Variants in SYT1 observed in about 807,000 individuals in gnomAD.
The protein encoded by SYT1 is synaptotagmin-1.
In SYT1, 8 loss-of-function variants were observed where a neutral mutation model predicts 44.8. The observed-to-expected ratio is 0.18, with a 90% CI of 0.10 to 0.32. The LOEUF (loss-of-function observed/expected upper bound fraction) is 0.32, where lower values mean the gene tolerates loss of function less well. Among genes scored for constraint, SYT1 ranks in the 10% least tolerant of loss-of-function variants. The pLI is 1.00. For missense variants in SYT1, 286 were observed against 509.3 expected (o/e 0.56, Z 4.22); for synonymous variants, 154 against 188.8 (o/e 0.82, Z 1.51).
intron 1 of SYT1, among the ~76,000 whole-genome samples, chr12:78,918,393 T>C (rs536348519): frequency 6.6e-6 from 1 of 152,188 alleles, no homozygotes; most frequent in East Asian, 1.9e-4. Context: ...CATTCATGTG[T>C]AATTTGCTTT....
intron 4 of SYT1, among the ~76,000 whole-genome samples, chr12:79,284,429 T>A (rs1464787604): frequency 6.6e-6 from 1 of 152,176 alleles, no homozygotes; most frequent in Non-Finnish European, 1.5e-5. Context: ...TTCACTAAAC[T>A]CCCCTCTGTG....
intron 3 of SYT1, among the ~76,000 whole-genome samples, chr12:79,140,126 A>C (rs1337080357): frequency 6.6e-6 from 1 of 152,238 alleles, no homozygotes; most frequent in Non-Finnish European, 1.5e-5. Flanking sequence ...GACCATGCTA[A>C]TGTTGAAAAT....
chr12:79,302,020 T>C (rs1290322567), intron 8 of SYT1, among the ~76,000 whole-genome samples: 1 of 152,188 alleles, frequency 6.6e-6, no homozygotes, highest in Non-Finnish European at 1.5e-5. Context: ...TTACATATTC[T>C]CAATGATATC....
At chr12:79,167,215 G>A (rs1291222483) in intron 3 of SYT1, among the ~76,000 whole-genome samples, 1 of 151,996 alleles carries the variant, frequency 6.6e-6, no homozygotes, top group Non-Finnish European at 1.5e-5. Flanking sequence ...TCCTGCCCTT[G>A]AAAATGTTAG....
intron 2 of SYT1, among the ~76,000 whole-genome samples, chr12:79,028,372 A>C (rs1486088355): frequency 6.6e-6 from 1 of 151,474 alleles, no homozygotes; most frequent in Non-Finnish European, 1.5e-5. Flanking sequence ...GACTAATCTA[A>C]TACTATAGAA....
At chr12:79,016,674 G>A (rs963829004) in intron 2 of SYT1, among the ~76,000 whole-genome samples, 3 of 152,068 alleles carry the variant, frequency 2.0e-5, no homozygotes, top group African/African-American at 7.2e-5. Context: ...ATTTGAAATG[G>A]ATTTTTAAAA....
intron 3 of SYT1, among the ~76,000 whole-genome samples, chr12:79,166,830 A>G (rs1301677767): frequency 6.6e-6 from 1 of 152,056 alleles, no homozygotes; most frequent in African/African-American, 2.4e-5. Flanking sequence ...TGGACTTGGT[A>G]GTTGAAAAAA....
At chr12:79,082,987 T>C (rs1877138245) in intron 3 of SYT1, among the ~76,000 whole-genome samples, 1 of 150,362 alleles carries the variant, frequency 6.7e-6, no homozygotes, top group Admixed American at 6.6e-5. Flanking sequence ...TTGTCAAAGA[T>C]AACTCCAAGA....
intron 3 of SYT1, among the ~76,000 whole-genome samples, chr12:79,174,899 A>G (rs1459131199): frequency 6.6e-6 from 1 of 152,074 alleles, no homozygotes; most frequent in Non-Finnish European, 1.5e-5. Flanking sequence ...TCACAATGCC[A>G]TCCAGTGGTT....
chr12:78,922,706 C>T (rs1877075372), intron 1 of SYT1, among the ~76,000 whole-genome samples: 1 of 151,898 alleles, frequency 6.6e-6, no homozygotes, highest in Admixed American at 6.6e-5. Flanking sequence ...CAGATGGACA[C>T]ATGCTGTATA....
At chr12:79,291,791 C>G (rs898547763) in intron 5 of SYT1, 2 of 658,792 alleles carry the variant, frequency 3.0e-6, no homozygotes, top group Admixed American at 2.1e-5. Flanking sequence ...CTTCTTCCAT[C>G]GCTTCCATTT....
chr12:78,963,424 T>C (rs548579091), intron 1 of SYT1, among the ~76,000 whole-genome samples: 1 of 151,936 alleles, frequency 6.6e-6, no homozygotes, highest in Non-Finnish European at 1.5e-5. Context: ...TAGATAATGA[T>C]GGGTAAATTT....
chr12:79,178,941 TAG>T (rs1872088409), intron 3 of SYT1, among the ~76,000 whole-genome samples: 1 of 42,850 alleles, frequency 2.3e-5, no homozygotes, highest in Non-Finnish European at 3.8e-5. Flanking sequence ...TATATAGATA[TAG>T]ATATAGATAT....
chr12:79,279,735 T>C (rs1878940448), intron 4 of SYT1, among the ~76,000 whole-genome samples: 1 of 152,046 alleles, frequency 6.6e-6, no homozygotes, highest in Admixed American at 6.6e-5. Flanking sequence ...GCTGTTGATA[T>C]AAATGTATAC....
At chr12:79,390,262 G>A (rs972100052) in intron 9 of SYT1, among the ~76,000 whole-genome samples, 5 of 152,106 alleles carry the variant, frequency 3.3e-5, no homozygotes, top group African/African-American at 1.2e-4. Context: ...ATACTGTGCT[G>A]TATTGAATTA....
rs200215176 is a variant in SYT1 at position 79,042,020 on chromosome 12, G to C, written c.-83-5277G>C. Among the ~76,000 whole-genome samples, 567 of 151,044 alleles carry C rather than the reference G, an allele frequency of 3.8e-3. 10 individuals carry two copies. The East Asian group carries it at 0.06, about 16-fold the overall frequency. On this transcript the variant is annotated intron_variant, in intron 2 of 10. Coordinates refer to ENST00000261205, the MANE Select transcript of SYT1 (RefSeq NM_005639.3). ...AGCTTTTTGATGTGCTGCTGGATTC[G>C]TTTTGCCAGTATTTTATTGAGGATT... is the stretch of plus-strand genomic sequence containing the variant.
intron 9 of SYT1, among the ~76,000 whole-genome samples, chr12:79,428,883 T>C (rs1427126882): frequency 6.6e-6 from 1 of 152,204 alleles, no homozygotes; most frequent in African/African-American, 2.4e-5. Flanking sequence ...TGCCAGCATC[T>C]GCTTCTGCTG....
At chr12:79,129,136 A>T (rs1475246603) in intron 3 of SYT1, among the ~76,000 whole-genome samples, 3 of 152,178 alleles carry the variant, frequency 2.0e-5, no homozygotes, top group Non-Finnish European at 4.4e-5. Flanking sequence ...GAAAATTTTT[A>T]AAAATGCGTG....
intron 9 of SYT1, chr12:79,392,274 T>G (rs915216137): frequency 6.6e-6 from 1 of 152,240 alleles, no homozygotes. Flanking sequence ...AGTTTTTATT[T>G]TCTAGCATAT....
Sources: allele counts gnomAD v4.1 joint callset (sites outside exome capture counted in the v4.1 genomes callset), GRCh38; gene constraint gnomAD v4.1.1; transcripts MANE v1.5; gene names NCBI Gene and HGNC (gene_info 2026-07-23, HGNC 2026-07-21).